Variants in RNF217 observed in about 807,000 individuals in gnomAD.
The protein encoded by RNF217 is E3 ubiquitin-protein ligase RNF217.
In RNF217, 31 loss-of-function variants were observed where a neutral mutation model predicts 57.8. The ratio of observed to expected loss-of-function variants is 0.54; its 90% CI spans 0.40 to 0.72. The LOEUF is 0.72. Ranked by LOEUF, RNF217 falls within the 30% of genes least tolerant of loss-of-function variation. RNF217 has a pLI of 0.00. For missense variants in RNF217, 696 were observed against 708.3 expected, an observed-to-expected ratio of 0.98 and a Z score of 0.20; for synonymous variants, 313 against 294.0, an observed-to-expected ratio of 1.06 and a Z score of -0.66.
At chr6:124,991,832 G>C (rs1784572861) in intron 1 of RNF217, among the ~76,000 whole-genome samples, 1 of 152,166 alleles carries the variant, frequency 6.6e-6, no homozygotes, top group Admixed American at 6.6e-5. Context: ...CTCAGTCCTA[G>C]TAGCAACTTT....
chr6:125,082,526 G>T, intron 5 of RNF217: 2 of 1,612,672 alleles, frequency 1.2e-6, no homozygotes, highest in Non-Finnish European at 1.7e-6. Flanking sequence ...TCCACAGCCT[G>T]TGTTGTTAAG....
intron 4 of RNF217, among the ~76,000 whole-genome samples, chr6:125,079,506 A>G (rs1018570565): frequency 6.6e-6 from 1 of 152,080 alleles, no homozygotes; most frequent in African/African-American, 2.4e-5. Flanking sequence ...ACATATGTTC[A>G]AAAATATTCA....
intron 1 of RNF217, among the ~76,000 whole-genome samples, chr6:124,977,306 A>G (rs898094855): frequency 6.6e-6 from 1 of 152,256 alleles, no homozygotes. Context: ...AGCACAAGCA[A>G]CAGTGCATAC....
chr6:124,975,579 C>T (rs1332267938), intron 1 of RNF217, among the ~76,000 whole-genome samples: 1 of 152,090 alleles, frequency 6.6e-6, no homozygotes, highest in African/African-American at 2.4e-5. Flanking sequence ...TATAGGCGTG[C>T]ACCACCATGC....
chr6:124,996,138 C>T (rs750880797), intron 1 of RNF217, among the ~76,000 whole-genome samples: 2 of 152,126 alleles, frequency 1.3e-5, no homozygotes, highest in Non-Finnish European at 2.9e-5. Flanking sequence ...ACTCGCTCCA[C>T]AGCTGATGAA....
At chr6:124,994,277 G>A (rs9372804) in intron 1 of RNF217, among the ~76,000 whole-genome samples, 37,167 of 151,882 alleles carry the variant, frequency 0.24, 4,900 homozygotes, top group East Asian at 0.4. Flanking sequence ...ATTTTGTTGC[G>A]TATCTATTCC....
chr6:124,991,577 G>A (rs1383550518), intron 1 of RNF217, among the ~76,000 whole-genome samples: 1 of 152,130 alleles, frequency 6.6e-6, no homozygotes, highest in African/African-American at 2.4e-5. Context: ...AGGCCATGAG[G>A]ATAAGAATTT....
intron 1 of RNF217, among the ~76,000 whole-genome samples, chr6:125,030,896 G>C (rs988882085): frequency 6.6e-6 from 1 of 152,204 alleles, no homozygotes; most frequent in Admixed American, 6.5e-5. Context: ...CTCCCGCACT[G>C]CCCTAGCAGA....
At chr6:125,019,172 A>G (rs1256859128) in intron 1 of RNF217, among the ~76,000 whole-genome samples, 1 of 152,186 alleles carries the variant, frequency 6.6e-6, no homozygotes, top group Non-Finnish European at 1.5e-5. Context: ...TGCAGATTTC[A>G]TGACACCTCC....
At chr6:124,964,505 T>G (rs1431754693) in intron 1 of RNF217, among the ~76,000 whole-genome samples, 1 of 152,190 alleles carries the variant, frequency 6.6e-6, no homozygotes, top group Non-Finnish European at 1.5e-5. Context: ...TTAATAACAT[T>G]GGCTGGGACA....
intron 5 of RNF217, 148 bp from the exon 6 acceptor site, chr6:125,082,716 A>T: frequency 8.0e-7 from 1 of 1,246,218 alleles, no homozygotes; most frequent in Admixed American, 2.3e-5. Flanking sequence ...TAAAGAATGA[A>T]ATATTGAAGA....
chr6:125,073,667 C>T (rs1157201225), intron 3 of RNF217, among the ~76,000 whole-genome samples: 3 of 152,148 alleles, frequency 2.0e-5, no homozygotes, highest in African/African-American at 7.2e-5. Context: ...ACACACTTGC[C>T]TATCTAGGAA....
At chr6:125,002,088 G>C (rs1439326090) in intron 1 of RNF217, among the ~76,000 whole-genome samples, 1 of 152,068 alleles carries the variant, frequency 6.6e-6, no homozygotes, top group African/African-American at 2.4e-5. Flanking sequence ...GAATTATTTT[G>C]GTATTGTTAG....
At chr6:124,967,703 A>G (rs1002500496) in intron 1 of RNF217, among the ~76,000 whole-genome samples, 8 of 152,220 alleles carry the variant, frequency 5.3e-5, no homozygotes, top group African/African-American at 1.9e-4. Context: ...TCAGTGACCC[A>G]GAGGTGAAAG....
chr6:125,083,932 T>C lies in RNF217; in HGVS notation c.*995T>C, dbSNP rs1258696341. 6.6e-6 allele frequency: 1 copy of C among 152,066 alleles called. No individual in the cohort carries two copies. The highest frequency in any genetic ancestry group is 2.4e-5 in the African/African-American group (1 of 41,416). The allele number at this position is 152,066 out of a possible 1,614,324, so 9.4% of individuals were successfully genotyped here. ...TCACTCTATAGATAGATCCTTCACA[T>C]TGGGATTATTTAATCCCAAAAACAA... On this transcript the variant is annotated 3_prime_UTR_variant, in exon 6 of 6. Coordinates refer to ENST00000521654, the MANE Select transcript of RNF217 (RefSeq NM_001286398.3).
At chr6:124,984,961 A>T (rs1330501345) in intron 1 of RNF217, among the ~76,000 whole-genome samples, 1 of 152,238 alleles carries the variant, frequency 6.6e-6, no homozygotes, top group African/African-American at 2.4e-5. Context: ...ACAAACTCAT[A>T]CAAATCAGTA....
In RNF217 at chr6:125,086,036, A is replaced by T. The variant is rs1788760301; in HGVS notation, c.*3099A>T. On this transcript the variant is annotated 3_prime_UTR_variant, in exon 6 of 6. Coordinates refer to ENST00000521654, the MANE Select transcript of RNF217 (RefSeq NM_001286398.3). ...TATTTTCACTTCTCTATTACAAAGA[A>T]AGCAAGAGTGAAGACCCTTTTGCAT... 6.6e-6 allele frequency: 1 copy of T among 152,024 alleles called. No homozygotes were observed. Among genetic ancestry groups the T allele is most frequent in the Non-Finnish European group, 1.5e-5 (1 of 67,906 alleles). 9.4% of individuals were successfully genotyped at this position (152,024 alleles called of 1,614,324 possible).
chr6:125,002,258 T>C (rs571094243), intron 1 of RNF217, among the ~76,000 whole-genome samples: 1 of 152,274 alleles, frequency 6.6e-6, no homozygotes, highest in South Asian at 2.1e-4. Context: ...CTGAGGAATT[T>C]AGCTGCCACT....
At chr6:125,056,423 G>A (rs530657191) in intron 2 of RNF217, among the ~76,000 whole-genome samples, 11 of 152,138 alleles carry the variant, frequency 7.2e-5, no homozygotes, top group African/African-American at 1.7e-4. Flanking sequence ...ATAAATAAAC[G>A]TGAAAATCTT....
Sources: allele counts gnomAD v4.1 joint callset (sites outside exome capture counted in the v4.1 genomes callset), GRCh38; gene constraint gnomAD v4.1.1; transcripts MANE v1.5; gene names NCBI Gene and HGNC (gene_info 2026-07-23, HGNC 2026-07-21).